The following MINDY2 variants were observed in gnomAD, a reference collection of about 807,000 sequenced individuals.
MINDY2 encodes the protein MINDY lysine 48 deubiquitinase 2.
In MINDY2, 52 loss-of-function variants were observed where a neutral mutation model predicts 68.2. The ratio of observed to expected loss-of-function variants is 0.76; its 90% confidence interval spans 0.61 to 0.96. The LOEUF is 0.96. Among genes scored for constraint, MINDY2 ranks in the 40% least tolerant of loss-of-function variants. The pLI, the probability that MINDY2 is intolerant of heterozygous loss-of-function variation, is 0.00. For synonymous variants in MINDY2, 372 were observed against 303.0 expected (o/e 1.23, Z -2.36); for missense variants, 881 against 773.4 (o/e 1.14, Z -1.65).
chr15:58,824,072 T>C (rs2141004234), intron 5 of MINDY2, among the ~76,000 whole-genome samples: 1 of 152,306 alleles, frequency 6.6e-6, no homozygotes, highest in South Asian at 2.1e-4. Flanking sequence ...CAAGAAGTAA[T>C]ACTTGGATAA....
rs2033135052 is a variant in MINDY2, at chr15:58,858,708, A to G, written c.*4098A>G. 6.6e-6 allele frequency: 1 copy of G among 152,156 alleles called. No homozygotes were observed. The highest frequency in any genetic ancestry group is 2.4e-5 in the African/African-American group (1 of 41,462). 9.4% of individuals were successfully genotyped at this position (152,156 alleles called of 1,614,324 possible). ...CATGCACAAGTTACCTTAAAACATG[A>G]TAAAAACCTTATGGGCATTACCTAT... On this transcript the variant is annotated 3_prime_UTR_variant, in exon 9 of 9. Transcript: ENST00000559228.
intron 1 of MINDY2, among the ~76,000 whole-genome samples, chr15:58,774,317 T>A (rs958041201): frequency 6.6e-6 from 1 of 151,988 alleles, no homozygotes; most frequent in African/African-American, 2.4e-5. Context: ...ACCCCGTCTC[T>A]ACTAAACATA....
intron 5 of MINDY2, among the ~76,000 whole-genome samples, chr15:58,825,652 C>A (rs971560963): frequency 6.6e-6 from 1 of 152,098 alleles, no homozygotes; most frequent in Non-Finnish European, 1.5e-5. Context: ...AGGCTGGAGG[C>A]TGGAGTGCAG....
At chr15:58,803,509 C>A (rs1385574979) in intron 3 of MINDY2, among the ~76,000 whole-genome samples, 1 of 146,436 alleles carries the variant, frequency 6.8e-6, no homozygotes, top group Admixed American at 6.9e-5. Flanking sequence ...ACTTACATTG[C>A]ATTATATCAT....
chr15:58,850,087 T>G (rs1304949298), intron 7 of MINDY2, among the ~76,000 whole-genome samples: 1 of 152,106 alleles, frequency 6.6e-6, no homozygotes, highest in Non-Finnish European at 1.5e-5. Flanking sequence ...ATTATCTTAT[T>G]TTGAGGGTAG....
chr15:58,827,336 G>A (rs1280658524), intron 5 of MINDY2, among the ~76,000 whole-genome samples: 2 of 152,092 alleles, frequency 1.3e-5, no homozygotes, highest in Admixed American at 1.3e-4. Context: ...AGTTATTACT[G>A]TGGTGGTTAT....
At chr15:58,813,951 A>G (rs1420447019) in intron 4 of MINDY2, among the ~76,000 whole-genome samples, 11 of 100,054 alleles carry the variant, frequency 1.1e-4, no homozygotes, top group Non-Finnish European at 2.0e-4. Flanking sequence ...TTTTTTTTTT[A>G]ATTTGAGATG....
intron 3 of MINDY2, among the ~76,000 whole-genome samples, chr15:58,803,914 C>T (rs1260489599): frequency 6.9e-6 from 1 of 145,282 alleles, no homozygotes; most frequent in Non-Finnish European, 1.5e-5. Context: ...TGAGACCATC[C>T]TGGCTAACAT....
chr15:58,781,055 A>T (rs565918729), intron 1 of MINDY2, among the ~76,000 whole-genome samples: 1 of 150,306 alleles, frequency 6.7e-6, no homozygotes, highest in Non-Finnish European at 1.5e-5. Flanking sequence ...TTACTAGTTA[A>T]TTTTTTTTTT....
intron 7 of MINDY2, among the ~76,000 whole-genome samples, chr15:58,849,520 T>C (rs986807447): frequency 1.3e-5 from 2 of 151,590 alleles, no homozygotes; most frequent in Non-Finnish European, 2.9e-5. Context: ...AGAAAAAAAC[T>C]GGAGAAGGGG....
chr15:58,802,439 A>T, intron 3 of MINDY2, 62 bp downstream of exon 3: 2 of 1,085,686 alleles, frequency 1.8e-6, no homozygotes, highest in South Asian at 1.6e-5. Context: ...ATTGGTTTCT[A>T]TTAGTAGCTG....
chr15:58,784,144 G>A (rs1901332073), intron 1 of MINDY2, among the ~76,000 whole-genome samples: 1 of 151,948 alleles, frequency 6.6e-6, no homozygotes, highest in African/African-American at 2.4e-5. Context: ...TGGGCAACAT[G>A]GTGAAACCCC....
At chr15:58,788,639 CAAAT>C (rs1567042335) in intron 2 of MINDY2, among the ~76,000 whole-genome samples, 2 of 152,152 alleles carry the variant, frequency 1.3e-5, no homozygotes, top group African/African-American at 2.4e-5. Flanking sequence ...TATAATCTGA[CAAAT>C]AAGAATTTAT....
intron 6 of MINDY2, among the ~76,000 whole-genome samples, chr15:58,844,113 G>A (rs1390773040): frequency 6.6e-6 from 1 of 152,086 alleles, no homozygotes; most frequent in Non-Finnish European, 1.5e-5. Flanking sequence ...TAGCAAAAGT[G>A]CTGGAATATC....
At chr15:58,845,861 C>T (rs2032503772) in intron 6 of MINDY2, among the ~76,000 whole-genome samples, 1 of 152,180 alleles carries the variant, frequency 6.6e-6, no homozygotes, top group Admixed American at 6.5e-5. Context: ...GCACTATTCA[C>T]ACACAAAACA....
At chr15:58,792,564 C>T (rs922023309) in intron 2 of MINDY2, among the ~76,000 whole-genome samples, 9 of 152,046 alleles carry the variant, frequency 5.9e-5, no homozygotes, top group African/African-American at 1.7e-4. Context: ...CGAGATCATG[C>T]GATTGCACTC....
At chr15:58,854,411 C>T in intron 8 of MINDY2, 71 bp from the exon 9 acceptor site, 5 of 1,522,698 alleles carry the variant, frequency 3.3e-6, no homozygotes, top group South Asian at 2.6e-5. Context: ...TACAGTTTTC[C>T]TTTCTAGATA....
At chr15:58,831,706 A>G (rs1163163116) in intron 5 of MINDY2, 68 bp from the exon 6 acceptor site, 1 of 1,441,788 alleles carries the variant, frequency 6.9e-7, no homozygotes, top group Admixed American at 2.1e-5. Context: ...CACACTTTAA[A>G]TAGAAAAAGA....
chr15:58,831,041 G>GTGTGTATATATATA lies in MINDY2; in HGVS notation c.1226-732_1226-731insGTGTATATATATAT, dbSNP rs565786025. Among the ~76,000 whole-genome samples, 776 of 124,826 alleles carry GTGTGTATATATATA rather than the reference G, an allele frequency of 6.2e-3. 5 individuals are homozygous for GTGTGTATATATATA. The highest frequency in any genetic ancestry group is 0.024 in the East Asian group (93 of 3,852). 81.9% of individuals were successfully genotyped at this position (124,826 alleles called of 152,430 possible). ...TGTGTGTGTGTGTGTGTGTGTGTGT[G>GTGTGTATATATATA]TATATATATATATATATATGTTTTA... On this transcript the variant is annotated intron_variant, in intron 5 of 8. Coordinates refer to ENST00000559228, the MANE Select transcript of MINDY2 (RefSeq NM_001040450.3).
Sources: allele counts gnomAD v4.1 joint callset (sites outside exome capture counted in the v4.1 genomes callset), GRCh38; gene constraint gnomAD v4.1.1; transcripts MANE v1.5; gene names NCBI Gene and HGNC (gene_info 2026-07-23, HGNC 2026-07-21).